Variants in PIK3CG observed in about 807,000 individuals in gnomAD.
PIK3CG encodes phosphatidylinositol 4,5-bisphosphate 3-kinase catalytic subunit gamma isoform.
Under a neutral mutation model 102.3 loss-of-function variants are expected in PIK3CG, and 55 were observed. The observed-to-expected ratio is 0.54, with a 90% CI of 0.43 to 0.67. The LOEUF (loss-of-function observed/expected upper bound fraction) is 0.67. PIK3CG is among the 30% of genes least tolerant of loss of function. The probability of loss-of-function intolerance (pLI) is 0.00; values close to 1 mark genes in which losing one functional copy is unlikely to be tolerated. For synonymous variants in PIK3CG, 552 were observed against 540.0 expected (o/e 1.02, Z -0.31); for missense variants, 1,258 against 1,391.8 (o/e 0.90, Z 1.53).
In PIK3CG at chr7:106,877,647, T is replaced by C. The variant is rs1294741564; in HGVS notation, c.2392-1872T>C. The stretch of plus-strand genomic sequence containing the variant: ...TTGTTTTGTTTTGTTTTGTTTTTCC[T>C]GGAGAACTACCTTGGCACCTTTGTC... On this transcript the variant is annotated intron_variant, in intron 5 of 10. Transcript: ENST00000496166. The surrounding 1 kb of genome is among the most constrained non-coding windows in gnomAD (Gnocchi z 4.5). 6.6e-6 allele frequency among the ~76,000 whole-genome samples: 1 copy of C among 152,212 alleles called. No homozygotes were observed. Among genetic ancestry groups the C allele is most frequent in the East Asian group, 1.9e-4 (1 of 5,202 alleles).
At position 106,874,887 on chromosome 7, in the gene PIK3CG, T is replaced by A; in HGVS notation, c.2391+84T>A. 1 of 840,220 alleles carries A rather than the reference T, an allele frequency of 1.2e-6. No individual in the cohort carries two copies. Among genetic ancestry groups the A allele is most frequent in the Non-Finnish European group, 2.0e-6 (1 of 511,748 alleles). The allele number at this position is 840,220 out of a possible 1,614,324, so 52.0% of individuals were successfully genotyped here. A position where few individuals can be genotyped will look rare whatever the true frequency, so the allele number is the denominator to read the frequency against. ...TTGCTGGGGCCCAGTACTTAAAAGC[T>A]AATGTTTATGCAGAGACAGGGAAGC... On this transcript the variant is annotated intron_variant, in intron 5 of 10. Transcript: ENST00000496166. The surrounding 1 kb of genome is among the most constrained non-coding windows in gnomAD (Gnocchi z 4.3).
chr7:106,867,762 G>A lies in PIK3CG; in HGVS notation c.201G>A (p.Val67=), dbSNP rs2116421188. 2.5e-6 allele frequency: 4 copies of A among 1,613,010 alleles called. No individual in the cohort carries two copies. In the South Asian group the frequency reaches 4.4e-5, roughly 18 times the overall value. ...TGCACGTGGCCGGCCACGGCAACGT[G>A]GAGCAGATGAAGGCCCAGGTGTGGC... The part of the protein sequence containing the change: ...ALLHVAGHGN[V]EQMKAQVWLR... The change falls in exon 2 of 11, where the codon GTG becomes GTA. Residue 67 remains valine (V), a synonymous_variant. Transcript: ENST00000496166. The surrounding 1 kb of genome is among the most constrained non-coding windows in gnomAD (Gnocchi z 5.1).
At chr7:106,882,045 T>A in intron 6 of PIK3CG, 72 bp from the exon 7 acceptor site, 1 of 581,038 alleles carries the variant, frequency 1.7e-6, no homozygotes, top group South Asian at 7.3e-5. Context: ...TGATTGCTAT[T>A]TTTAAGGGAG....
At position 106,880,775 on chromosome 7, in the gene PIK3CG, C is replaced by G. The variant is rs559356875; in HGVS notation, c.2538+1110C>G. 2.6e-5 allele frequency among the ~76,000 whole-genome samples: 4 copies of G among 152,142 alleles called. No individual in the cohort carries two copies. In the South Asian group the frequency reaches 8.3e-4, roughly 32 times the overall value. On this transcript the variant is annotated intron_variant, in intron 6 of 10. Transcript: ENST00000496166. This position sits in a 1 kb window ranked among gnomAD's most constrained non-coding sequence, Gnocchi z 4.2. ...CCCACTGCAGCCTCAAACTCCTAGGCTCAAGCAATCCTCCTGCCTTAGCCT... is the reference window on the plus strand; with the variant it reads ...CCCACTGCAGCCTCAAACTCCTAGGGTCAAGCAATCCTCCTGCCTTAGCCT...
rs2116526492 is a variant in PIK3CG, at chr7:106,879,744, C to A, written c.2538+79C>A. 1 of 1,023,868 alleles carries A rather than the reference C, an allele frequency of 9.8e-7. No individual in the cohort carries two copies. Among genetic ancestry groups the A allele is most frequent in the Non-Finnish European group, 1.5e-6 (1 of 676,074 alleles). The allele number at this position is 1,023,868 out of a possible 1,614,324, so 63.4% of individuals were successfully genotyped here. Reference sequence around the variant, plus strand: ...TCAAAAACATGCTTTCTCCTACTGGCTCTATTCCCACTCTCTTCTTTCAAG... The same window carrying A: ...TCAAAAACATGCTTTCTCCTACTGGATCTATTCCCACTCTCTTCTTTCAAG... On this transcript the variant is annotated intron_variant, in intron 6 of 10. Transcript: ENST00000496166. This position sits in a 1 kb window ranked among gnomAD's most constrained non-coding sequence, Gnocchi z 4.9.
rs1222581641 is a variant in PIK3CG, at chr7:106,874,840, G to A, written c.2391+37G>A. On this transcript the variant is annotated intron_variant, in intron 5 of 10. Coordinates refer to ENST00000496166, the MANE Select transcript of PIK3CG (RefSeq NM_001282426.2). This position sits in a 1 kb window ranked among gnomAD's most constrained non-coding sequence, Gnocchi z 4.3. The stretch of plus-strand genomic sequence containing the variant: ...TTGGATGTCTCCATGTGGTCTTTAT[G>A]TCTTGAAGATGTCTAACGTGCTTGC... 2 of 1,359,806 alleles carry A rather than the reference G, an allele frequency of 1.5e-6. No homozygotes were observed. The highest frequency in any genetic ancestry group is 1.0e-6 in the Non-Finnish European group (1 of 953,862). 84.2% of individuals were successfully genotyped at this position (1,359,806 alleles called of 1,614,324 possible).
rs751485127 is a variant in PIK3CG at position 106,880,678 on chromosome 7, G to GT, written c.2538+1022dup. ...TGCCCTTTATGTACTTTGTGGTTTT[G>GT]TTTTTTTTTAATTTTTTTAAGATGA... On this transcript the variant is annotated intron_variant, in intron 6 of 10. Transcript: ENST00000496166. The surrounding 1 kb of genome is among the most constrained non-coding windows in gnomAD (Gnocchi z 4.2). Among the ~76,000 whole-genome samples the GT allele has an allele frequency of 3.3e-4, 50 of 150,666 alleles. No homozygotes were observed. Among genetic ancestry groups the GT allele is most frequent in the Admixed American group, 4.0e-4 (6 of 15,086 alleles).
chr7:106,892,096 ATCCC>A lies in PIK3CG; in HGVS notation c.3030+5808_3030+5811del, dbSNP rs1340309880. 4.6e-5 allele frequency among the ~76,000 whole-genome samples: 7 copies of A among 151,684 alleles called. No individual in the cohort carries two copies. Among genetic ancestry groups the A allele is most frequent in the African/African-American group, 1.7e-4 (7 of 41,250 alleles). On this transcript the variant is annotated intron_variant, in intron 10 of 10. Transcript: ENST00000496166. This position sits in a 1 kb window ranked among gnomAD's most constrained non-coding sequence, Gnocchi z 5.2. ...CCCAGCTGCTAGAACTAGGGCCCTA[ATCCC>A]TCCTGTCATTTTTCTTGCTGGAGAC...
At chr7:106,876,430 C>T (rs1211406089) in intron 5 of PIK3CG, among the ~76,000 whole-genome samples, 27 of 147,124 alleles carry the variant, frequency 1.8e-4, no homozygotes, top group African/African-American at 3.5e-4. Context: ...CTCGCTCTGT[C>T]GCCCAGGGTG....
In PIK3CG at chr7:106,884,700, C is replaced by T. The variant is rs1477952982; in HGVS notation, c.2872+434C>T. On this transcript the variant is annotated intron_variant, in intron 9 of 10. Coordinates refer to ENST00000496166, the MANE Select transcript of PIK3CG (RefSeq NM_001282426.2). This position sits in a 1 kb window ranked among gnomAD's most constrained non-coding sequence, Gnocchi z 4.2. The stretch of plus-strand genomic sequence containing the variant: ...TCATTCAAGAGCATTACGTTTATTG[C>T]ACACTTTTTTTTCAACTCACTTGCC... 6.6e-6 allele frequency among the ~76,000 whole-genome samples: 1 copy of T among 152,132 alleles called. No homozygotes were observed. Among genetic ancestry groups the T allele is most frequent in the Non-Finnish European group, 1.5e-5 (1 of 68,016 alleles).
At position 106,905,052 on chromosome 7, in the gene PIK3CG, A is replaced by G. The variant is rs1584352453; in HGVS notation, c.3031-57A>G. The G allele has an allele frequency of 1.4e-6, 2 of 1,466,936 alleles. No homozygotes were observed. Among genetic ancestry groups the G allele is most frequent in the East Asian group, 2.3e-5 (1 of 44,100 alleles). 90.9% of individuals were successfully genotyped at this position (1,466,936 alleles called of 1,614,324 possible). ...ATTTCAGTACATCCCTGTAATCTTC[A>G]GCCTACTTGTTAGTTACCATAACAA... On this transcript the variant is annotated intron_variant, in intron 10 of 10. Coordinates refer to ENST00000496166, the MANE Select transcript of PIK3CG (RefSeq NM_001282426.2). This position sits in a 1 kb window ranked among gnomAD's most constrained non-coding sequence, Gnocchi z 5.6.
In PIK3CG at chr7:106,895,452, G is replaced by A. The variant is rs1026841002; in HGVS notation, c.3030+9160G>A. On this transcript the variant is annotated intron_variant, in intron 10 of 10. Coordinates refer to ENST00000496166, the MANE Select transcript of PIK3CG (RefSeq NM_001282426.2). This position sits in a 1 kb window ranked among gnomAD's most constrained non-coding sequence, Gnocchi z 5.4. ...AGAAATGAAACTTCTGGGACTGAGCGGGCAGGGCAGGTGCTCGGCTGTGCC... is the reference window on the plus strand; with the variant it reads ...AGAAATGAAACTTCTGGGACTGAGCAGGCAGGGCAGGTGCTCGGCTGTGCC... Among the ~76,000 whole-genome samples, 7 of 152,204 alleles carry A rather than the reference G, an allele frequency of 4.6e-5. No homozygotes were observed. The highest frequency in any genetic ancestry group is 9.6e-5 in the African/African-American group (4 of 41,458).
In PIK3CG at chr7:106,867,167, T is replaced by C. The variant is rs559452941; in HGVS notation, c.-12-383T>C. ...CGCTGTGCTGGATGAGTGTTTTACC[T>C]ACCTCTTTAAAATTTTCAAAGTATA... On this transcript the variant is annotated intron_variant, in intron 1 of 10. Transcript: ENST00000496166. The surrounding 1 kb of genome is among the most constrained non-coding windows in gnomAD (Gnocchi z 5.1). Among the ~76,000 whole-genome samples the C allele has an allele frequency of 6.6e-6, 1 of 152,316 alleles. No individual in the cohort carries two copies. Among genetic ancestry groups the C allele is most frequent in the Non-Finnish European group, 1.5e-5 (1 of 68,034 alleles).
At chr7:106,875,267 T>G (rs932668785) in intron 5 of PIK3CG, among the ~76,000 whole-genome samples, 10 of 151,750 alleles carry the variant, frequency 6.6e-5, no homozygotes, top group African/African-American at 2.4e-4. Flanking sequence ...GGCAGGAGAA[T>G]TGCTTGAACT....
Position 106,905,008 on chromosome 7 carries a change from G to A in PIK3CG, c.3031-101G>A, listed in dbSNP as rs972522576. 4 of 1,016,040 alleles carry A rather than the reference G, an allele frequency of 3.9e-6. No individual in the cohort carries two copies. In the African/African-American group the frequency reaches 4.8e-5, roughly 12 times the overall value. 62.9% of individuals were successfully genotyped at this position (1,016,040 alleles called of 1,614,324 possible). A position where few individuals can be genotyped will look rare whatever the true frequency, so the allele number is the denominator to read the frequency against. ...GGGACCTTGATGGTTTCTTCTCATGGACAGGTAACTCTATGTACATTTCAG... is the reference window on the plus strand; with the variant it reads ...GGGACCTTGATGGTTTCTTCTCATGAACAGGTAACTCTATGTACATTTCAG... On this transcript the variant is annotated intron_variant, in intron 10 of 10. Transcript: ENST00000496166. This position sits in a 1 kb window ranked among gnomAD's most constrained non-coding sequence, Gnocchi z 5.6.
chr7:106,889,203 C>CT (rs1428117309), intron 10 of PIK3CG, among the ~76,000 whole-genome samples: 1 of 152,194 alleles, frequency 6.6e-6, no homozygotes, highest in Non-Finnish European at 1.5e-5. Flanking sequence ...TGCTTACTCT[C>CT]TCCCTGTGTT....
chr7:106,906,212 G>A lies in PIK3CG; in HGVS notation c.*825G>A, dbSNP rs12667819. 0.42 allele frequency: 95,126 copies of A among 227,300 alleles called. 20,070 individuals carry two copies. The highest frequency in any genetic ancestry group is 0.44 in the East Asian group (7,033 of 15,838). 14.1% of individuals were successfully genotyped at this position (227,300 alleles called of 1,614,324 possible). Reference sequence around the variant, plus strand: ...CCTGCCTCCCTTTTTCATCAATTGCGATGCTCCCACAACTCTTTACAGACT... The same window carrying A: ...CCTGCCTCCCTTTTTCATCAATTGCAATGCTCCCACAACTCTTTACAGACT... On this transcript the variant is annotated 3_prime_UTR_variant, in exon 11 of 11. Coordinates refer to ENST00000496166, the MANE Select transcript of PIK3CG (RefSeq NM_001282426.2).
At position 106,905,011 on chromosome 7, in the gene PIK3CG, A is replaced by G; in HGVS notation, c.3031-98A>G. The G allele has an allele frequency of 9.7e-7, 1 of 1,031,534 alleles. No homozygotes were observed. The highest frequency in any genetic ancestry group is 1.6e-5 in the South Asian group (1 of 64,424). 63.9% of individuals were successfully genotyped at this position (1,031,534 alleles called of 1,614,324 possible). A position where few individuals can be genotyped will look rare whatever the true frequency, so the allele number is the denominator to read the frequency against. On this transcript the variant is annotated intron_variant, in intron 10 of 10. Coordinates refer to ENST00000496166, the MANE Select transcript of PIK3CG (RefSeq NM_001282426.2). This position sits in a 1 kb window ranked among gnomAD's most constrained non-coding sequence, Gnocchi z 5.6. ...ACCTTGATGGTTTCTTCTCATGGAC[A>G]GGTAACTCTATGTACATTTCAGTAC...
chr7:106,879,406 A>G lies in PIK3CG; in HGVS notation c.2392-113A>G. The G allele has an allele frequency of 3.4e-6, 3 of 886,932 alleles. No homozygotes were observed. Among genetic ancestry groups the G allele is most frequent in the Non-Finnish European group, 5.5e-6 (3 of 543,368 alleles). 54.9% of individuals were successfully genotyped at this position (886,932 alleles called of 1,614,324 possible). On this transcript the variant is annotated intron_variant, in intron 5 of 10. Transcript: ENST00000496166. The surrounding 1 kb of genome is among the most constrained non-coding windows in gnomAD (Gnocchi z 4.9). ...CCCAAATATTGAAAATCATTCTCCA[A>G]CTAGGACTTTGTCCTTGTTGTTTAT...
Sources: allele counts gnomAD v4.1 joint callset (sites outside exome capture counted in the v4.1 genomes callset), GRCh38; gene constraint gnomAD v4.1.1; non-coding constraint Gnocchi (gnomAD v3.1); transcripts MANE v1.5; gene names NCBI Gene and HGNC (gene_info 2026-07-23, HGNC 2026-07-21).